Variants in CCDC88C observed in about 807,000 individuals in gnomAD.
CCDC88C encodes the protein coiled-coil and HOOK domain protein 88C, also known as protein Daple.
A neutral mutation model predicts 198.8 loss-of-function variants in CCDC88C; 131 were observed. The observed-to-expected ratio is 0.66, with a 90% CI of 0.57 to 0.76. The LOEUF is 0.76. Among genes scored for constraint, CCDC88C ranks in the 30% least tolerant of loss-of-function variants. The pLI, the probability that CCDC88C is intolerant of heterozygous loss-of-function variation, is 0.00. For synonymous variants in CCDC88C, 1,166 were observed against 1,114.7 expected (o/e 1.05, Z -0.92); for missense variants, 2,553 against 2,631.6 (o/e 0.97, Z 0.65).
chr14:91,408,595 A>C, intron 3 of CCDC88C, 64 bp downstream of exon 3: 32 of 1,054,882 alleles, frequency 3.0e-5, no homozygotes, highest in Non-Finnish European at 3.7e-5. Context: ...CCTGTGGGAA[A>C]ACCGTGACAG....
chr14:91,301,630 T>C (rs1350447997), intron 20 of CCDC88C, among the ~76,000 whole-genome samples: 6 of 152,172 alleles, frequency 3.9e-5, no homozygotes, highest in African/African-American at 9.7e-5. Flanking sequence ...AGTAGGAGGA[T>C]TGCTTGAAGC....
chr14:91,306,621 T>C (rs145775433), intron 18 of CCDC88C, among the ~76,000 whole-genome samples: 83 of 152,356 alleles, frequency 5.4e-4, no homozygotes, highest in African/African-American at 2.0e-3. Context: ...GGAAATACTT[T>C]TGGGTTTGCC....
At chr14:91,355,745 G>C (rs1003629092) in intron 4 of CCDC88C, among the ~76,000 whole-genome samples, 1 of 136,306 alleles carries the variant, frequency 7.3e-6, no homozygotes, top group African/African-American at 2.6e-5. Context: ...ATGGGTGTGG[G>C]GGGTTAAGTG....
In CCDC88C at chr14:91,417,024, G is replaced by C; in HGVS notation, c.61-186C>G. On this transcript the variant is annotated intron_variant, in intron 1 of 29. Coordinates refer to ENST00000389857, the MANE Select transcript of CCDC88C (RefSeq NM_001080414.4). ...AGGGCCTGTCTCCCCTCCCCGCGCG[G>C]GGCAACAGACACGAGACAGGAGGAA... 3 of 694,546 alleles carry C rather than the reference G, an allele frequency of 4.3e-6. No homozygotes were observed. The South Asian group carries it at 4.6e-5, about 11-fold the overall frequency. 43.0% of individuals were successfully genotyped at this position (694,546 alleles called of 1,614,324 possible).
chr14:91,399,674 C>T (rs1195185907), intron 3 of CCDC88C, among the ~76,000 whole-genome samples: 1 of 151,832 alleles, frequency 6.6e-6, no homozygotes, highest in Admixed American at 6.6e-5. Context: ...CCCGTCTCTA[C>T]TAAAAATACA....
rs142688050 is a variant in CCDC88C at position 91,281,037 on chromosome 14, C to G, written c.4699+420G>C. The G allele has an allele frequency of 2.0e-5, 8 of 397,090 alleles. No homozygotes were observed. The East Asian group carries it at 5.8e-4, about 29-fold the overall frequency. The allele number at this position is 397,090 out of a possible 1,614,324, so 24.6% of individuals were successfully genotyped here. A position where few individuals can be genotyped will look rare whatever the true frequency, so the allele number is the denominator to read the frequency against. The stretch of plus-strand genomic sequence containing the variant: ...GTCTCCCTTCTGCAGAAATTTATAA[C>G]ATGCTCGAATCCAATGACAAGTGCT... On this transcript the variant is annotated intron_variant, in intron 27 of 29. Transcript: ENST00000389857.
In CCDC88C at chr14:91,330,788, A is replaced by G. The variant is rs114585989; in HGVS notation, c.1051-4732T>C. On this transcript the variant is annotated intron_variant, in intron 10 of 29. Coordinates refer to ENST00000389857, the MANE Select transcript of CCDC88C (RefSeq NM_001080414.4). ...AGATGTCTCTGGATAACCCGGGTAC[A>G]CTGAGGCCTGGAGCGCAAGACAGAG... Among the ~76,000 whole-genome samples, 541 of 152,244 alleles carry G rather than the reference A, an allele frequency of 3.6e-3. 2 individuals are homozygous for G. Among genetic ancestry groups the G allele is most frequent in the African/African-American group, 0.013 (524 of 41,550 alleles).
At chr14:91,340,623 G>C (rs1418877085) in intron 6 of CCDC88C, among the ~76,000 whole-genome samples, 3 of 151,988 alleles carry the variant, frequency 2.0e-5, no homozygotes, top group African/African-American at 7.3e-5. Context: ...CACACCCCCG[G>C]ATCTGCCACA....
rs1421932293 is a variant in CCDC88C, at chr14:91,305,238, CCA to C, written c.3357+525_3357+526del. ...AAACTGCAATAAATAATTTATTTCC[CCA>C]CAGTCTATAGGCGATAAATGAAAAC... On this transcript the variant is annotated intron_variant, in intron 19 of 29. Coordinates refer to ENST00000389857, the MANE Select transcript of CCDC88C (RefSeq NM_001080414.4). Among the ~76,000 whole-genome samples the C allele has an allele frequency of 4.6e-5, 7 of 152,212 alleles. No homozygotes were observed. The East Asian group carries it at 5.8e-4, about 13-fold the overall frequency.
intron 15 of CCDC88C, among the ~76,000 whole-genome samples, chr14:91,310,272 A>G (rs985516195): frequency 6.6e-6 from 1 of 151,916 alleles, no homozygotes. Flanking sequence ...ACTTATGTTG[A>G]CCTTTAAGTA....
chr14:91,393,861 A>G (rs1885676050), intron 3 of CCDC88C, among the ~76,000 whole-genome samples: 1 of 152,238 alleles, frequency 6.6e-6, no homozygotes, highest in South Asian at 2.1e-4. Flanking sequence ...CTCAAAAAAA[A>G]GAAATCAACT....
At chr14:91,412,363 A>C (rs1004551039) in intron 2 of CCDC88C, among the ~76,000 whole-genome samples, 3 of 152,168 alleles carry the variant, frequency 2.0e-5, no homozygotes, top group Admixed American at 6.5e-5. Flanking sequence ...ACATGGTAAA[A>C]TCACAGGCAA....
intron 3 of CCDC88C, among the ~76,000 whole-genome samples, chr14:91,363,605 A>C (rs1894405128): frequency 6.6e-5 from 10 of 152,264 alleles, no homozygotes; most frequent in Admixed American, 6.5e-4. Flanking sequence ...AATTTTTAAG[A>C]AAGAAAAAAT....
Position 91,272,845 on chromosome 14 carries a change from A to T in CCDC88C, c.5867T>A (p.Val1956Asp), listed in dbSNP as rs1374770223. Residue 1956 changes from valine (V) to aspartate (D), a missense_variant, in exon 30 of 30, where the codon GTC (valine) becomes GAC (aspartate). By Grantham distance (152) the Val-to-Asp change is radical. Transcript: ENST00000389857. ...RSGEVATITPVRAGLSLSEGD... is the reference protein window; with the variant it reads ...RSGEVATITPDRAGLSLSEGD... ...CTCTGAGAGGCTGAGCCCTGCCCGG[A>T]CAGGGGTGATGGTGGCCACCTCCCC... 1 of 1,593,890 alleles carries T rather than the reference A, an allele frequency of 6.3e-7. No individual in the cohort carries two copies. Among genetic ancestry groups the T allele is most frequent in the Admixed American group, 1.7e-5 (1 of 58,474 alleles).
chr14:91,377,931 G>A (rs1453736222), intron 3 of CCDC88C, among the ~76,000 whole-genome samples: 3 of 152,226 alleles, frequency 2.0e-5, no homozygotes, highest in Non-Finnish European at 2.9e-5. Flanking sequence ...ACACGACGCT[G>A]CTCCATACAT....
chr14:91,384,309 T>C (rs1332654847), intron 3 of CCDC88C: 3 of 354,878 alleles, frequency 8.5e-6, no homozygotes, highest in African/African-American at 4.3e-5. Context: ...ATTTTTATTT[T>C]AGGCTGCAAA....
Position 91,309,903 on chromosome 14 carries a change from G to A in CCDC88C, c.2820C>T (p.Leu940=), listed in dbSNP as rs749264430. ...KLSQELEKVG[L]NRELLLQEDD... Reference sequence around the variant, plus strand: ...CCTCCTGCAACAGCAGCTCCCTGTTGAGGCCGACCTTCTCCAGTTCCTGGC... The same window carrying A: ...CCTCCTGCAACAGCAGCTCCCTGTTAAGGCCGACCTTCTCCAGTTCCTGGC... The change falls in exon 16 of 30, where the codon CTC becomes CTT. Residue 940 remains leucine (L), a synonymous_variant. Transcript: ENST00000389857. The A allele has an allele frequency of 1.9e-6, 3 of 1,611,772 alleles. No homozygotes were observed. The highest frequency in any genetic ancestry group is 2.5e-6 in the Non-Finnish European group (3 of 1,178,998).
At chr14:91,394,537 T>C (rs1164549732) in intron 3 of CCDC88C, among the ~76,000 whole-genome samples, 2 of 152,364 alleles carry the variant, frequency 1.3e-5, no homozygotes, top group South Asian at 2.1e-4. Context: ...TCCCTGATTG[T>C]AATGACTTAT....
At position 91,273,366 on chromosome 14, in the gene CCDC88C, G is replaced by C; in HGVS notation, c.5346C>G (p.Pro1782=). ...AAGCTGGGGGCACCGGAGCCTGCCG[G>C]GGTCTGCCCAGAGACAGGCTCTGGG... is the stretch of plus-strand genomic sequence containing the variant. ...QPPQSLSLGR[P]RQAPVPPASH... Residue 1782 remains proline, a synonymous_variant, in exon 30 of 30, where the codon CCC becomes CCG. Coordinates refer to ENST00000389857, the MANE Select transcript of CCDC88C (RefSeq NM_001080414.4). The surrounding 1 kb of genome is among the most constrained non-coding windows in gnomAD (Gnocchi z 5.6). 6.5e-7 allele frequency: 1 copy of C among 1,533,158 alleles called. No homozygotes were observed. Among genetic ancestry groups the C allele is most frequent in the Non-Finnish European group, 8.8e-7 (1 of 1,138,882 alleles). 95.0% of individuals were successfully genotyped at this position (1,533,158 alleles called of 1,614,324 possible). A position where few individuals can be genotyped will look rare whatever the true frequency, so the allele number is the denominator to read the frequency against.
Sources: allele counts gnomAD v4.1 joint callset (sites outside exome capture counted in the v4.1 genomes callset), GRCh38; gene constraint gnomAD v4.1.1; non-coding constraint Gnocchi (gnomAD v3.1); transcripts MANE v1.5; gene names NCBI Gene and HGNC (gene_info 2026-07-23, HGNC 2026-07-21).